TVP23C: variants seen among roughly 807,000 people sequenced by gnomAD.
TVP23C encodes Golgi apparatus membrane protein TVP23 homolog C.
TVP23C carries 19 observed loss-of-function variants against 28.7 expected under a neutral mutation model. The observed-to-expected ratio is 0.66, with a 90% CI of 0.46 to 0.97. The LOEUF (loss-of-function observed/expected upper bound fraction) is 0.97. TVP23C is among the 50% of genes least tolerant of loss of function. TVP23C has a pLI of 0.00. For synonymous variants in TVP23C, 68 were observed against 81.7 expected, an observed-to-expected ratio of 0.83 and a Z score of 0.90; for missense variants, 186 against 241.3, an observed-to-expected ratio of 0.77 and a Z score of 1.52.
At chr17:15,546,928 C>A in intron 4 of TVP23C, 131 bp downstream of exon 4, 1 of 891,684 alleles carries the variant, frequency 1.1e-6, no homozygotes, top group South Asian at 1.8e-5. Context: ...AAGGCCATCT[C>A]CTTTAGTGCT....
rs562359161 is a variant in TVP23C, at chr17:15,539,153, C to T, written c.*1259G>A. On this transcript the variant is annotated 3_prime_UTR_variant, in exon 6 of 6. Transcript: ENST00000518321. Reference sequence around the variant, plus strand: ...GGGAGAAATGCAAATTATGAGACTCCACCCCCAGATCTACTGAATAAGGAG... The same window carrying T: ...GGGAGAAATGCAAATTATGAGACTCTACCCCCAGATCTACTGAATAAGGAG... 2.1e-6 allele frequency: 2 copies of T among 947,122 alleles called. No individual in the cohort carries two copies. The highest frequency in any genetic ancestry group is 6.2e-5 in the Admixed American group (1 of 16,214). The allele number at this position is 947,122 out of a possible 1,614,324, so 58.7% of individuals were successfully genotyped here. A position where few individuals can be genotyped will look rare whatever the true frequency, so the allele number is the denominator to read the frequency against.
intron 5 of TVP23C, among the ~76,000 whole-genome samples, chr17:15,545,382 C>T (rs1424542057): frequency 6.6e-6 from 1 of 152,212 alleles, no homozygotes. Context: ...CAACTACTGT[C>T]TGACTACAAC....
chr17:15,550,733 CAT>C (rs1413847684), intron 3 of TVP23C, among the ~76,000 whole-genome samples: 1 of 152,072 alleles, frequency 6.6e-6, no homozygotes, highest in Non-Finnish European at 1.5e-5. Context: ...TACTCTGATC[CAT>C]ATCTCATCTG....
rs946739171 is a variant in TVP23C, at chr17:15,539,242, G to A, written c.*1170C>T. 1.8e-5 allele frequency: 18 copies of A among 984,812 alleles called. No individual in the cohort carries two copies. The highest frequency in any genetic ancestry group is 1.2e-4 in the Admixed American group (2 of 16,260). The allele number at this position is 984,812 out of a possible 1,614,324, so 61.0% of individuals were successfully genotyped here. A position where few individuals can be genotyped will look rare whatever the true frequency, so the allele number is the denominator to read the frequency against. Reference sequence around the variant, plus strand: ...GATTCTCATGTATGTTCGAGTTTAAGAATCCCTGTCCTACATAATATCACT... The same window carrying A: ...GATTCTCATGTATGTTCGAGTTTAAAAATCCCTGTCCTACATAATATCACT... On this transcript the variant is annotated 3_prime_UTR_variant, in exon 6 of 6. Transcript: ENST00000518321.
downstream of TVP23C, among the ~76,000 whole-genome samples, chr17:15,535,729 A>T (rs1426161570): frequency 6.6e-6 from 1 of 152,236 alleles, no homozygotes; most frequent in Non-Finnish European, 1.5e-5. Flanking sequence ...ATACTGTACT[A>T]ACAACTGGAG....
chr17:15,520,991 C>T (rs12453059), intron 5 of TVP23C, among the ~76,000 whole-genome samples: 17,045 of 150,662 alleles, frequency 0.11, 1,116 homozygotes, highest in Middle Eastern at 0.18. Context: ...GTAAAGTACC[C>T]AAAAATAAAG....
At chr17:15,507,690 T>A (rs1362439874) in intron 5 of TVP23C, among the ~76,000 whole-genome samples, 1 of 151,974 alleles carries the variant, frequency 6.6e-6, no homozygotes, top group Non-Finnish European at 1.5e-5. Context: ...TACAAAAAAA[T>A]TAGCCGGGTC....
exon 6 of TVP23C, chr17:15,502,324 A>C (rs1392107973): frequency 6.5e-6 from 1 of 152,700 alleles, no homozygotes; most frequent in African/African-American, 2.4e-5. Flanking sequence ...ATTGAAAAAA[A>C]CACAGATAAT....
chr17:15,523,803 C>T (rs1160550770), intron 5 of TVP23C, among the ~76,000 whole-genome samples: 2 of 151,872 alleles, frequency 1.3e-5, no homozygotes, highest in Admixed American at 6.6e-5. Context: ...TTAGTAGAGA[C>T]GGGGATTCAC....
chr17:15,514,293 TTCAA>T (rs758543164), intron 5 of TVP23C, among the ~76,000 whole-genome samples: 71 of 149,668 alleles, frequency 4.7e-4, no homozygotes, highest in Admixed American at 8.6e-4. Context: ...GTAGGGACAC[TTCAA>T]AAGAACAGGA....
In TVP23C at chr17:15,550,739, T is replaced by C. The variant is rs142409818; in HGVS notation, c.240+2946A>G. 9.5e-3 allele frequency among the ~76,000 whole-genome samples: 1,447 copies of C among 152,316 alleles called. 17 individuals are homozygous for C. Among genetic ancestry groups the C allele is most frequent in the African/African-American group, 0.028 (1,148 of 41,580 alleles). On this transcript the variant is annotated intron_variant, in intron 3 of 5. Transcript: ENST00000518321. ...GTGCTTTCTTACTCTGATCCATATC[T>C]CATCTGATAATAATACAATGCCAAG...
chr17:15,540,345 C>G lies in TVP23C; in HGVS notation c.*67G>C, dbSNP rs938942258. On this transcript the variant is annotated 3_prime_UTR_variant, in exon 6 of 6. Transcript: ENST00000518321. ...TTTATACAACTATATGCCTTTAAAA[C>G]TTCTGTTCAGGAGCGTTTCATAAAA... 7.0e-7 allele frequency: 1 copy of G among 1,438,022 alleles called. No individual in the cohort carries two copies. The highest frequency in any genetic ancestry group is 1.5e-5 in the African/African-American group (1 of 68,140). The allele number at this position is 1,438,022 out of a possible 1,614,324, so 89.1% of individuals were successfully genotyped here.
intron 2 of TVP23C, among the ~76,000 whole-genome samples, chr17:15,554,709 C>T (rs1984052333): frequency 6.6e-6 from 1 of 152,194 alleles, no homozygotes; most frequent in Non-Finnish European, 1.5e-5. Flanking sequence ...CACTGGCAGT[C>T]ATTCCCCATT....
chr17:15,552,106 G>C (rs1241550076), intron 3 of TVP23C, among the ~76,000 whole-genome samples: 1 of 152,140 alleles, frequency 6.6e-6, no homozygotes, highest in African/African-American at 2.4e-5. Context: ...AAAATTTTAA[G>C]AATTTGGAAA....
chr17:15,550,563 T>A (rs557729019), intron 3 of TVP23C, among the ~76,000 whole-genome samples: 5 of 152,346 alleles, frequency 3.3e-5, no homozygotes, highest in African/African-American at 1.2e-4. Context: ...GGCACTTTGG[T>A]TTGTTTAAGA....
chr17:15,512,335 C>G (rs1019994766), intron 5 of TVP23C, among the ~76,000 whole-genome samples: 3 of 152,128 alleles, frequency 2.0e-5, no homozygotes, highest in African/African-American at 7.2e-5. Flanking sequence ...GGCTTTATCT[C>G]GTGAGCAAGA....
intron 5 of TVP23C, 146 bp downstream of exon 5, chr17:15,545,639 T>C: frequency 8.0e-7 from 1 of 1,242,952 alleles, no homozygotes; most frequent in Non-Finnish European, 1.1e-6. Flanking sequence ...AAGGTAAAGT[T>C]GGGAAGCAAA....
At chr17:15,529,102 G>A (rs960837261) in intron 5 of TVP23C, among the ~76,000 whole-genome samples, 13 of 152,042 alleles carry the variant, frequency 8.6e-5, no homozygotes, top group Non-Finnish European at 1.6e-4. Context: ...GTGTACCTGG[G>A]ACTATGCTTA....
chr17:15,509,743 C>T (rs1488599207), intron 5 of TVP23C, among the ~76,000 whole-genome samples: 1 of 152,164 alleles, frequency 6.6e-6, no homozygotes. Context: ...ATCCACTCAT[C>T]CTTCAAGCTC....
Sources: gnomAD v4.1 joint callset for allele counts (sites outside exome capture counted in the v4.1 genomes callset) on GRCh38, gnomAD v4.1.1 for gene constraint, MANE v1.5 for transcripts, NCBI Gene and HGNC (gene_info 2026-07-23, HGNC 2026-07-21) for gene names.